COL23A1: variants seen among roughly 807,000 people sequenced by gnomAD.
The protein encoded by COL23A1 is collagen alpha-1(XXIII) chain.
A neutral mutation model predicts 99.3 loss-of-function variants in COL23A1; 97 were observed. The ratio of observed to expected loss-of-function variants is 0.98; its 90% CI spans 0.83 to 1.16. COL23A1 has a LOEUF of 1.16. COL23A1 is among the 50% of genes most tolerant of loss of function. The pLI, the probability that COL23A1 is intolerant of heterozygous loss-of-function variation, is 0.00. For synonymous variants in COL23A1, 320 were observed against 308.2 expected, an observed-to-expected ratio of 1.04 and a Z score of -0.40; for missense variants, 762 against 757.4, an observed-to-expected ratio of 1.01 and a Z score of -0.07.
chr5:178,586,423 G>C (rs1432863308), intron 1 of COL23A1, among the ~76,000 whole-genome samples: 2 of 152,102 alleles, frequency 1.3e-5, no homozygotes, highest in African/African-American at 4.8e-5. Flanking sequence ...GCTCTGCTCT[G>C]CCTCTGGTAT....
At chr5:178,241,249 G>A (rs1269143999) in intron 27 of COL23A1, among the ~76,000 whole-genome samples, 2 of 152,054 alleles carry the variant, frequency 1.3e-5, no homozygotes, top group East Asian at 1.9e-4. Context: ...GCTGACTTTT[G>A]AACTGTGGTT....
At chr5:178,297,573 C>T (rs1710836105) in intron 3 of COL23A1, among the ~76,000 whole-genome samples, 1 of 152,186 alleles carries the variant, frequency 6.6e-6, no homozygotes, top group African/African-American at 2.4e-5. Context: ...CTCACCCTTC[C>T]CCCATTGGTT....
chr5:178,473,422 G>A (rs922365380), intron 2 of COL23A1, among the ~76,000 whole-genome samples: 3 of 150,120 alleles, frequency 2.0e-5, no homozygotes, highest in African/African-American at 7.4e-5. Context: ...AGCCTCCAGA[G>A]TAGCTGGGAC....
At chr5:178,400,026 G>A (rs772848910) in intron 2 of COL23A1, among the ~76,000 whole-genome samples, 4 of 152,076 alleles carry the variant, frequency 2.6e-5, no homozygotes, top group East Asian at 1.9e-4. Flanking sequence ...AAGAACAGTC[G>A]GAGCCCAATT....
rs397746374 is a variant in COL23A1, at chr5:178,484,821, CAAAAAAA to C, written c.361+75854_361+75860del. On this transcript the variant is annotated intron_variant, in intron 2 of 28. Coordinates refer to ENST00000390654, the MANE Select transcript of COL23A1 (RefSeq NM_173465.4). The stretch of plus-strand genomic sequence containing the variant: ...TGGGTGAAAGAGCAAGACTCTGTCT[CAAAAAAA>C]AAAAAAAAAAAAAAAGAGCAGTGAG... Among the ~76,000 whole-genome samples the C allele has an allele frequency of 1.3e-3, 117 of 90,418 alleles. 1 individual carries two copies. Among genetic ancestry groups the C allele is most frequent in the South Asian group, 4.7e-3 (12 of 2,576 alleles). The allele number at this position is 90,418 out of a possible 152,430, so 59.3% of individuals were successfully genotyped here.
chr5:178,463,965 G>A (rs748497429), intron 2 of COL23A1, among the ~76,000 whole-genome samples: 2 of 152,166 alleles, frequency 1.3e-5, no homozygotes, highest in African/African-American at 4.8e-5. Flanking sequence ...GGCCGGGCGT[G>A]AGCACAACCA....
intron 2 of COL23A1, among the ~76,000 whole-genome samples, chr5:178,488,808 A>G (rs1160717536): frequency 6.6e-6 from 1 of 152,194 alleles, no homozygotes; most frequent in Non-Finnish European, 1.5e-5. Flanking sequence ...GAGGGTAGCT[A>G]AGGAAGCAAA....
At chr5:178,443,295 G>A (rs997973517) in intron 2 of COL23A1, among the ~76,000 whole-genome samples, 3 of 152,140 alleles carry the variant, frequency 2.0e-5, no homozygotes, top group Non-Finnish European at 4.4e-5. Context: ...AACCGGATCC[G>A]AACGACTTCT....
In COL23A1 at chr5:178,590,251, G is replaced by T; in HGVS notation, c.-54C>A. 8.4e-7 allele frequency: 1 copy of T among 1,195,462 alleles called. No homozygotes were observed. The highest frequency in any genetic ancestry group is 1.0e-6 in the Non-Finnish European group (1 of 962,338). 74.1% of individuals were successfully genotyped at this position (1,195,462 alleles called of 1,614,324 possible). Reference sequence around the variant, plus strand: ...AGGGGGCGGTGCTGCTGGGGCAGAGGCTGGGTGCGAGAGGAGCAGGCGGGA... The same window carrying T: ...AGGGGGCGGTGCTGCTGGGGCAGAGTCTGGGTGCGAGAGGAGCAGGCGGGA... On this transcript the variant is annotated 5_prime_UTR_variant, in exon 1 of 29. Coordinates refer to ENST00000390654, the MANE Select transcript of COL23A1 (RefSeq NM_173465.4). This position sits in a 1 kb window ranked among gnomAD's most constrained non-coding sequence, Gnocchi z 5.7.
chr5:178,288,510 G>T, intron 4 of COL23A1, 160 bp from the exon 5 acceptor site: 1 of 721,752 alleles, frequency 1.4e-6, no homozygotes, highest in Non-Finnish European at 2.6e-6. Context: ...GGTCTTGGGG[G>T]CAGAGCAGCC....
rs539828501 is a variant in COL23A1, at chr5:178,358,498, C to T, written c.362-51579G>A. ...GTATGCGTATATATGTGTGTGTATG[C>T]GTGTATATGTGTGTATGTGTGTATG... On this transcript the variant is annotated intron_variant, in intron 2 of 28. Coordinates refer to ENST00000390654, the MANE Select transcript of COL23A1 (RefSeq NM_173465.4). 2.7e-4 allele frequency among the ~76,000 whole-genome samples: 26 copies of T among 95,410 alleles called. No individual in the cohort carries two copies. The South Asian group carries it at 3.9e-3, about 14-fold the overall frequency. The allele number at this position is 95,410 out of a possible 152,430, so 62.6% of individuals were successfully genotyped here. A position where few individuals can be genotyped will look rare whatever the true frequency, so the allele number is the denominator to read the frequency against.
intron 2 of COL23A1, among the ~76,000 whole-genome samples, chr5:178,389,685 T>G (rs1055714658): frequency 1.3e-5 from 2 of 152,222 alleles, no homozygotes; most frequent in Admixed American, 6.5e-5. Context: ...CTTTCCCTTC[T>G]GTCTGTGGCC....
intron 2 of COL23A1, among the ~76,000 whole-genome samples, chr5:178,506,665 C>T (rs538786226): frequency 8.5e-5 from 13 of 152,226 alleles, no homozygotes; most frequent in South Asian, 6.2e-4. Flanking sequence ...TCACTAATGA[C>T]GACAAGATTT....
intron 2 of COL23A1, among the ~76,000 whole-genome samples, chr5:178,536,673 C>T (rs1760981387): frequency 6.6e-6 from 1 of 152,222 alleles, no homozygotes; most frequent in Non-Finnish European, 1.5e-5. Flanking sequence ...TGCACAGGCC[C>T]ATTCAGGGTG....
intron 2 of COL23A1, among the ~76,000 whole-genome samples, chr5:178,337,020 G>A (rs554667645): frequency 1.8e-4 from 27 of 152,312 alleles, no homozygotes; most frequent in African/African-American, 5.8e-4. Flanking sequence ...TCAGAGCGGC[G>A]GAAACAGGGA....
intron 2 of COL23A1, among the ~76,000 whole-genome samples, chr5:178,519,465 C>T (rs1759822582): frequency 6.6e-6 from 1 of 152,250 alleles, no homozygotes; most frequent in Non-Finnish European, 1.5e-5. Flanking sequence ...AGTGGCCGCG[C>T]CCTGCACAAT....
At chr5:178,423,109 G>A (rs541622775) in intron 2 of COL23A1, among the ~76,000 whole-genome samples, 1 of 152,148 alleles carries the variant, frequency 6.6e-6, no homozygotes, top group African/African-American at 2.4e-5. Flanking sequence ...TGGGACCCCA[G>A]GCACACATCA....
chr5:178,246,547 A>G, intron 22 of COL23A1, 94 bp from the exon 23 acceptor site: 1 of 1,268,986 alleles, frequency 7.9e-7, no homozygotes, highest in Non-Finnish European at 1.1e-6. Flanking sequence ...TGGGATGTGG[A>G]CAGAGGAACA....
intron 2 of COL23A1, among the ~76,000 whole-genome samples, chr5:178,380,393 T>TTGTGTGTGTGTGTGTG (rs112420315): frequency 6.1e-5 from 9 of 147,222 alleles, no homozygotes; most frequent in African/African-American, 2.2e-4. Flanking sequence ...GAGCATGCAT[T>TTGTGTGTGTGTGTGTG]TGTGTGTGTG....
Sources: allele counts gnomAD v4.1 joint callset (sites outside exome capture counted in the v4.1 genomes callset), GRCh38; gene constraint gnomAD v4.1.1; non-coding constraint Gnocchi (gnomAD v3.1); transcripts MANE v1.5; gene names NCBI Gene and HGNC (gene_info 2026-07-23, HGNC 2026-07-21).